The following COL23A1 variants were observed in gnomAD, a reference collection of about 807,000 sequenced individuals.
The protein encoded by COL23A1 is collagen type XXIII alpha 1 chain, also known as collagen alpha-1(XXIII) chain.
In COL23A1, 97 loss-of-function variants were observed where a neutral mutation model predicts 99.3. That is an observed-to-expected ratio of 0.98 (90% CI 0.83 to 1.16). COL23A1 has a LOEUF of 1.16. Ranked by LOEUF, COL23A1 falls within the 50% of genes most tolerant of loss-of-function variation. COL23A1 has a pLI of 0.00. For missense variants in COL23A1, 762 were observed against 757.4 expected, an observed-to-expected ratio of 1.01 and a Z score of -0.07; for synonymous variants, 320 against 308.2, an observed-to-expected ratio of 1.04 and a Z score of -0.40.
chr5:178,488,022 A>G (rs1173134481), intron 2 of COL23A1, among the ~76,000 whole-genome samples: 3 of 152,200 alleles, frequency 2.0e-5, no homozygotes, highest in South Asian at 2.1e-4. Flanking sequence ...CAGAACAAGG[A>G]TATGAAGGCA....
intron 2 of COL23A1, among the ~76,000 whole-genome samples, chr5:178,429,866 T>G (rs1766163882): frequency 6.6e-6 from 1 of 152,166 alleles, no homozygotes. Flanking sequence ...ACCTATGGCC[T>G]GGCTCTAACC....
At chr5:178,567,546 CAGCCTGGCTA>C (rs1422737773) in intron 1 of COL23A1, among the ~76,000 whole-genome samples, 1 of 152,150 alleles carries the variant, frequency 6.6e-6, no homozygotes, top group Non-Finnish European at 1.5e-5. Context: ...AGTTCAACAC[CAGCCTGGCTA>C]ACATGGTGAA....
chr5:178,440,891 A>T (rs2127839276), intron 2 of COL23A1, among the ~76,000 whole-genome samples: 1 of 152,330 alleles, frequency 6.6e-6, no homozygotes, highest in South Asian at 2.1e-4. Context: ...AGTAGGGATT[A>T]CATGCATGAG....
At chr5:178,579,743 C>T (rs1486319888) in intron 1 of COL23A1, among the ~76,000 whole-genome samples, 2 of 152,204 alleles carry the variant, frequency 1.3e-5, no homozygotes, top group African/African-American at 2.4e-5. Context: ...TGAGCCACCG[C>T]GTCTGGCCAA....
At chr5:178,488,114 C>T (rs1052834708) in intron 2 of COL23A1, among the ~76,000 whole-genome samples, 1 of 152,162 alleles carries the variant, frequency 6.6e-6, no homozygotes, top group Non-Finnish European at 1.5e-5. Flanking sequence ...CGGAGCACTC[C>T]GGGGAGCTAT....
chr5:178,523,201 T>TATATATATAGAGAG lies in COL23A1; in HGVS notation c.361+37480_361+37481insCTCTCTATATATAT, dbSNP rs1223542330. 9.4e-3 allele frequency among the ~76,000 whole-genome samples: 731 copies of TATATATATAGAGAG among 77,394 alleles called. 5 individuals are homozygous for TATATATATAGAGAG. The highest frequency in any genetic ancestry group is 0.015 in the Non-Finnish European group (589 of 39,500). 50.8% of individuals were successfully genotyped at this position (77,394 alleles called of 152,430 possible). A position where few individuals can be genotyped will look rare whatever the true frequency, so the allele number is the denominator to read the frequency against. On this transcript the variant is annotated intron_variant, in intron 2 of 28. Coordinates refer to ENST00000390654, the MANE Select transcript of COL23A1 (RefSeq NM_173465.4). ...ATACACATATATATATATATATATA[T>TATATATATAGAGAG]AGAGAGAGAGAGAGAGAGAGAGAGA...
At chr5:178,440,286 A>G (rs1766791129) in intron 2 of COL23A1, among the ~76,000 whole-genome samples, 1 of 152,174 alleles carries the variant, frequency 6.6e-6, no homozygotes, top group Non-Finnish European at 1.5e-5. Flanking sequence ...CCAACTCCCC[A>G]GGACCCAAGC....
At chr5:178,392,688 C>T (rs974711511) in intron 2 of COL23A1, among the ~76,000 whole-genome samples, 1 of 152,216 alleles carries the variant, frequency 6.6e-6, no homozygotes, top group African/African-American at 2.4e-5. Flanking sequence ...ATGTATCACG[C>T]TACCCCATGG....
intron 3 of COL23A1, among the ~76,000 whole-genome samples, chr5:178,303,235 A>T (rs1758170055): frequency 6.6e-6 from 1 of 152,198 alleles, no homozygotes; most frequent in South Asian, 2.1e-4. Context: ...CCTGGCCTCA[A>T]GCAATCTACC....
At position 178,281,591 on chromosome 5, in the gene COL23A1, ACGC is replaced by A. The variant is rs781333270; in HGVS notation, c.441+6730_441+6732del. ...TGGGTGTGCTCAGAGCTGACCTGTGACGCCTGCCAGCCCTCGTTTCTGTTAGTC... is the reference window on the plus strand; with the variant it reads ...TGGGTGTGCTCAGAGCTGACCTGTGACTGCCAGCCCTCGTTTCTGTTAGTC... On this transcript the variant is annotated intron_variant, in intron 5 of 28. Transcript: ENST00000390654. The surrounding 1 kb of genome is among the most constrained non-coding windows in gnomAD (Gnocchi z 4.0). 3.6e-4 allele frequency among the ~76,000 whole-genome samples: 54 copies of A among 152,062 alleles called. No homozygotes were observed. Among genetic ancestry groups the A allele is most frequent in the Non-Finnish European group, 6.9e-4 (47 of 67,990 alleles).
At chr5:178,407,372 A>G (rs981003838) in intron 2 of COL23A1, among the ~76,000 whole-genome samples, 5 of 152,264 alleles carry the variant, frequency 3.3e-5, no homozygotes, top group African/African-American at 1.2e-4. Context: ...GCTGAAGCAC[A>G]AGATTTAACA....
Position 178,384,637 on chromosome 5 carries a change from G to C in COL23A1, c.362-77718C>G, listed in dbSNP as rs4526122. On this transcript the variant is annotated intron_variant, in intron 2 of 28. Coordinates refer to ENST00000390654, the MANE Select transcript of COL23A1 (RefSeq NM_173465.4). The surrounding 1 kb of genome is among the most constrained non-coding windows in gnomAD (Gnocchi z 5.5). ...TGACATGGGAAACCAAGGCTCAGAG[G>C]GGGCAGGGCCGGGACTTGGACTCAG... 3.5e-3 allele frequency among the ~76,000 whole-genome samples: 535 copies of C among 152,294 alleles called. 3 individuals carry two copies. Among genetic ancestry groups the C allele is most frequent in the African/African-American group, 0.012 (516 of 41,556 alleles).
intron 2 of COL23A1, among the ~76,000 whole-genome samples, chr5:178,345,591 A>T (rs1436919992): frequency 6.6e-6 from 1 of 150,938 alleles, no homozygotes; most frequent in Non-Finnish European, 1.5e-5. Context: ...ATCTCGACTC[A>T]CTGCAAGCTC....
At chr5:178,445,625 A>G (rs1469920381) in intron 2 of COL23A1, among the ~76,000 whole-genome samples, 2 of 152,176 alleles carry the variant, frequency 1.3e-5, no homozygotes, top group African/African-American at 4.8e-5. Flanking sequence ...CTTGCTACCT[A>G]TTTGGAGAGG....
Position 178,337,669 on chromosome 5 carries a change from C to G in COL23A1, c.362-30750G>C, listed in dbSNP as rs113901352. On this transcript the variant is annotated intron_variant, in intron 2 of 28. Coordinates refer to ENST00000390654, the MANE Select transcript of COL23A1 (RefSeq NM_173465.4). ...GGTTGGGGACACTCAGGAGCCACTGCTCTCCCCGCCATCCAGGACTGCAGG... is the reference window on the plus strand; with the variant it reads ...GGTTGGGGACACTCAGGAGCCACTGGTCTCCCCGCCATCCAGGACTGCAGG... Among the ~76,000 whole-genome samples the G allele has an allele frequency of 8.6e-3, 1,303 of 152,164 alleles. 20 individuals are homozygous for G. The highest frequency in any genetic ancestry group is 0.03 in the African/African-American group (1,240 of 41,484).
At chr5:178,488,673 T>C (rs2672814) in intron 2 of COL23A1, among the ~76,000 whole-genome samples, 4,079 of 147,874 alleles carry the variant, frequency 0.028, 177 homozygotes, top group African/African-American at 0.096. Context: ...TATATGCCTA[T>C]GACTCTTTAA....
intron 2 of COL23A1, among the ~76,000 whole-genome samples, chr5:178,341,788 G>T (rs1014756521): frequency 4.6e-5 from 7 of 152,160 alleles, no homozygotes; most frequent in Middle Eastern, 6.8e-3. Context: ...TCCAGCAGCA[G>T]CCGGCACCCC....
At chr5:178,333,039 C>T (rs1760118912) in intron 2 of COL23A1, among the ~76,000 whole-genome samples, 3 of 152,098 alleles carry the variant, frequency 2.0e-5, no homozygotes, top group Non-Finnish European at 2.9e-5. Context: ...CTCACTGTAA[C>T]CTCCACCCTC....
rs180729596 is a variant in COL23A1, at chr5:178,408,014, C to T, written c.362-101095G>A. Among the ~76,000 whole-genome samples the T allele has an allele frequency of 9.9e-5, 15 of 152,138 alleles. No homozygotes were observed. The South Asian group carries it at 1.0e-3, about 11-fold the overall frequency. ...AGCAAACATCCAACAGGAAAGAAAC[C>T]GAAGATTTCTACACCAAGAAATATC... On this transcript the variant is annotated intron_variant, in intron 2 of 28. Coordinates refer to ENST00000390654, the MANE Select transcript of COL23A1 (RefSeq NM_173465.4).
Sources: gnomAD v4.1 joint callset for allele counts (sites outside exome capture counted in the v4.1 genomes callset) on GRCh38, gnomAD v4.1.1 for gene constraint, Gnocchi (gnomAD v3.1) non-coding constraint, MANE v1.5 for transcripts, NCBI Gene and HGNC (gene_info 2026-07-23, HGNC 2026-07-21) for gene names.